The following GPC6 variants were observed in gnomAD, a reference collection of about 807,000 sequenced individuals.
The protein encoded by GPC6 is glypican-6.
In GPC6, 14 loss-of-function variants were observed where a neutral mutation model predicts 55.2. The observed-to-expected ratio is 0.25, with a 90% CI of 0.17 to 0.40. The LOEUF (loss-of-function observed/expected upper bound fraction) is 0.40. Among genes scored for constraint, GPC6 ranks in the 10% least tolerant of loss-of-function variants. GPC6 has a pLI of 1.00. For synonymous variants in GPC6, 278 were observed against 259.6 expected, an observed-to-expected ratio of 1.07 and a Z score of -0.68; for missense variants, 641 against 708.5, an observed-to-expected ratio of 0.90 and a Z score of 1.08.
At chr13:93,554,052 G>C (rs1274298884) in intron 2 of GPC6, among the ~76,000 whole-genome samples, 1 of 151,426 alleles carries the variant, frequency 6.6e-6, no homozygotes, top group African/African-American at 2.4e-5. Context: ...GGAGGCTGAG[G>C]CACAAGAATC....
intron 1 of GPC6, among the ~76,000 whole-genome samples, chr13:93,391,402 C>T (rs1287414406): frequency 6.6e-6 from 1 of 152,054 alleles, no homozygotes; most frequent in Non-Finnish European, 1.5e-5. Flanking sequence ...GTCTTGATGA[C>T]AAATGCCAGC....
intron 1 of GPC6, among the ~76,000 whole-genome samples, chr13:93,279,921 G>T (rs1225210280): frequency 6.6e-6 from 1 of 152,132 alleles, no homozygotes; most frequent in Non-Finnish European, 1.5e-5. Context: ...TGTGATCTGT[G>T]TAAATTTCAC....
At chr13:93,237,413 G>A (rs555971092) in intron 1 of GPC6, among the ~76,000 whole-genome samples, 13 of 151,804 alleles carry the variant, frequency 8.6e-5, no homozygotes, top group East Asian at 1.9e-4. Flanking sequence ...TTTTTAATGC[G>A]ATTATTCATT....
At chr13:93,303,144 C>T (rs1256286985) in intron 1 of GPC6, among the ~76,000 whole-genome samples, 1 of 152,172 alleles carries the variant, frequency 6.6e-6, no homozygotes, top group Non-Finnish European at 1.5e-5. Context: ...GTTTCTTACA[C>T]TACTTCAATG....
At chr13:94,220,042 C>T (rs1392293495) in intron 4 of GPC6, among the ~76,000 whole-genome samples, 1 of 152,086 alleles carries the variant, frequency 6.6e-6, no homozygotes. Flanking sequence ...GATAACTCAA[C>T]ATTTTGTTAT....
chr13:94,182,402 T>C (rs1204036097), intron 4 of GPC6, among the ~76,000 whole-genome samples: 3 of 152,204 alleles, frequency 2.0e-5, no homozygotes, highest in Admixed American at 2.0e-4. Context: ...TGCAGGAACA[T>C]GGACTTTGTT....
At chr13:93,361,625 G>A (rs1881043549) in intron 1 of GPC6, among the ~76,000 whole-genome samples, 2 of 152,006 alleles carry the variant, frequency 1.3e-5, no homozygotes, top group South Asian at 4.1e-4. Context: ...TTCATAAAAA[G>A]AAAAAGTGTT....
intron 1 of GPC6, among the ~76,000 whole-genome samples, chr13:93,518,896 A>G (rs1203112391): frequency 6.6e-6 from 1 of 152,032 alleles, no homozygotes; most frequent in Admixed American, 6.6e-5. Context: ...ACCAGGGATT[A>G]GCAAACTAAG....
chr13:93,479,435 A>G (rs1879415434), intron 1 of GPC6, among the ~76,000 whole-genome samples: 1 of 152,150 alleles, frequency 6.6e-6, no homozygotes, highest in Non-Finnish European at 1.5e-5. Flanking sequence ...GAGGACACAA[A>G]GATGATCTGA....
chr13:93,466,188 C>T (rs934338365), intron 1 of GPC6, among the ~76,000 whole-genome samples: 2 of 151,560 alleles, frequency 1.3e-5, no homozygotes, highest in African/African-American at 4.8e-5. Context: ...TTTCTTGATG[C>T]AGGGTTGCCA....
chr13:93,864,212 T>G (rs928232263), intron 3 of GPC6, among the ~76,000 whole-genome samples: 4 of 151,634 alleles, frequency 2.6e-5, no homozygotes, highest in African/African-American at 9.7e-5. Context: ...TTGTATGTAG[T>G]CATGTACTAG....
chr13:94,195,631 G>T (rs1190669983), intron 4 of GPC6, among the ~76,000 whole-genome samples: 1 of 152,176 alleles, frequency 6.6e-6, no homozygotes, highest in Non-Finnish European at 1.5e-5. Context: ...CTGTCATGAG[G>T]ATTAAATGAG....
At chr13:93,792,834 G>C (rs903301119) in intron 2 of GPC6, among the ~76,000 whole-genome samples, 1 of 152,120 alleles carries the variant, frequency 6.6e-6, no homozygotes, top group Non-Finnish European at 1.5e-5. Context: ...AGCTTCTCAG[G>C]ACAGGCTGAA....
Position 93,462,342 on chromosome 13 carries a change from C to G in GPC6, c.161-82921C>G, listed in dbSNP as rs996463. Among the ~76,000 whole-genome samples the G allele has an allele frequency of 7.7e-3, 1,177 of 151,990 alleles. 18 individuals are homozygous for G. Among genetic ancestry groups the G allele is most frequent in the African/African-American group, 0.027 (1,137 of 41,440 alleles). ...TAATCAGGATTGCCCACCTATCACA[C>G]CAAATTACCAGTAAAAAATGCAAAT... On this transcript the variant is annotated intron_variant, in intron 1 of 8. Coordinates refer to ENST00000377047, the MANE Select transcript of GPC6 (RefSeq NM_005708.5).
chr13:93,814,695 G>A (rs1886794977), intron 2 of GPC6, among the ~76,000 whole-genome samples: 1 of 152,182 alleles, frequency 6.6e-6, no homozygotes, highest in Non-Finnish European at 1.5e-5. Flanking sequence ...GAACAAAAGC[G>A]AGATTGGGTT....
At chr13:93,858,608 A>G (rs1023816269) in intron 3 of GPC6, among the ~76,000 whole-genome samples, 6 of 151,676 alleles carry the variant, frequency 4.0e-5, no homozygotes, top group African/African-American at 1.5e-4. Context: ...GAACACCATG[A>G]AAACATGATG....
intron 2 of GPC6, among the ~76,000 whole-genome samples, chr13:93,708,325 T>G (rs1025805074): frequency 6.6e-6 from 1 of 151,798 alleles, no homozygotes; most frequent in African/African-American, 2.4e-5. Context: ...TTTTTATCCC[T>G]GGGATGTTTT....
At chr13:94,202,124 A>G (rs933708772) in intron 4 of GPC6, among the ~76,000 whole-genome samples, 1 of 152,170 alleles carries the variant, frequency 6.6e-6, no homozygotes, top group Admixed American at 6.5e-5. Context: ...TTACTCCTCA[A>G]ATGGATCATA....
intron 4 of GPC6, among the ~76,000 whole-genome samples, chr13:94,203,069 T>C (rs996046739): frequency 6.7e-6 from 1 of 148,608 alleles, no homozygotes; most frequent in Non-Finnish European, 1.5e-5. Flanking sequence ...ATTAAAAAGG[T>C]TTTATAGTTT....
Sources: gnomAD v4.1 joint callset for allele counts (sites outside exome capture counted in the v4.1 genomes callset) on GRCh38, gnomAD v4.1.1 for gene constraint, MANE v1.5 for transcripts, NCBI Gene and HGNC (gene_info 2026-07-23, HGNC 2026-07-21) for gene names.